SULF1: variants seen among roughly 807,000 people sequenced by gnomAD.
SULF1 encodes sulfatase 1, also known as extracellular sulfatase Sulf-1.
A neutral mutation model predicts 110.5 loss-of-function variants in SULF1; 46 were observed. The ratio of observed to expected loss-of-function variants is 0.42; its 90% CI spans 0.33 to 0.53. SULF1 has a LOEUF of 0.53. Ranked by LOEUF, SULF1 falls within the 20% of genes least tolerant of loss-of-function variation. The pLI, the probability that SULF1 is intolerant of heterozygous loss-of-function variation, is 0.12. For synonymous variants in SULF1, 371 were observed against 387.1 expected (o/e 0.96, Z 0.49); for missense variants, 941 against 1,094.2 (o/e 0.86, Z 1.98).
At chr8:69,504,581 G>A (rs1453237595) in intron 3 of SULF1, among the ~76,000 whole-genome samples, 1 of 152,076 alleles carries the variant, frequency 6.6e-6, no homozygotes, top group African/African-American at 2.4e-5. Flanking sequence ...TAAAATAAGT[G>A]TCTAATGTTG....
intron 22 of SULF1, among the ~76,000 whole-genome samples, chr8:69,656,329 T>C (rs1812728974): frequency 6.6e-6 from 1 of 152,246 alleles, no homozygotes; most frequent in Non-Finnish European, 1.5e-5. Context: ...TTTTATTTTT[T>C]TAAGTTCTGG....
At chr8:69,560,685 T>C (rs998980130) in intron 3 of SULF1, among the ~76,000 whole-genome samples, 1 of 152,272 alleles carries the variant, frequency 6.6e-6, no homozygotes, top group African/African-American at 2.4e-5. Context: ...TCCTTGTCTC[T>C]TCTGTCAAGC....
intron 3 of SULF1, among the ~76,000 whole-genome samples, chr8:69,549,833 C>T (rs980583469): frequency 1.2e-4 from 19 of 152,028 alleles, no homozygotes; most frequent in Non-Finnish European, 2.1e-4. Flanking sequence ...AGAGGAGACC[C>T]TCGAATTCAT....
chr8:69,550,646 C>T lies in SULF1; in HGVS notation c.-133-12893C>T, dbSNP rs375172313. 7.2e-5 allele frequency among the ~76,000 whole-genome samples: 11 copies of T among 152,218 alleles called. No individual in the cohort carries two copies. In the South Asian group the frequency reaches 2.1e-3, roughly 29 times the overall value. ...AACCCTTTCGGTTGTGCCCAGATCC[C>T]GGCACTAGTCCACGTGGTGCTGGAA... On this transcript the variant is annotated intron_variant, in intron 3 of 22. Transcript: ENST00000402687.
chr8:69,589,492 T>C lies in SULF1; in HGVS notation c.734+351T>C, dbSNP rs531263664. On this transcript the variant is annotated intron_variant, in intron 8 of 22. Coordinates refer to ENST00000402687, the MANE Select transcript of SULF1 (RefSeq NM_001128205.2). ...TAATAATGATGATGATCAAATAGTA[T>C]GCTTTTCATAGCTGCACAGTGGGGA... Among the ~76,000 whole-genome samples the C allele has an allele frequency of 2.0e-4, 30 of 152,338 alleles. No homozygotes were observed. The East Asian group carries it at 4.6e-3, about 23-fold the overall frequency.
chr8:69,545,559 G>A (rs973640205), intron 3 of SULF1, among the ~76,000 whole-genome samples: 2 of 152,198 alleles, frequency 1.3e-5, no homozygotes, highest in Non-Finnish European at 2.9e-5. Flanking sequence ...CCATCTGTGA[G>A]AACTTCTCGT....
chr8:69,631,090 A>G (rs778536094), intron 19 of SULF1, among the ~76,000 whole-genome samples: 1 of 151,936 alleles, frequency 6.6e-6, no homozygotes, highest in Non-Finnish European at 1.5e-5. Flanking sequence ...TTAGGCTGAA[A>G]CCTAAAGGAT....
At position 69,515,882 on chromosome 8, in the gene SULF1, G is replaced by A. The variant is rs187234424; in HGVS notation, c.-134+13914G>A. ...CCACCAGTCTCTTTGCTAAAGCATAGCAAGAGTGGCCTTTACTCAAGTTCT... is the reference window on the plus strand; with the variant it reads ...CCACCAGTCTCTTTGCTAAAGCATAACAAGAGTGGCCTTTACTCAAGTTCT... On this transcript the variant is annotated intron_variant, in intron 3 of 22. Coordinates refer to ENST00000402687, the MANE Select transcript of SULF1 (RefSeq NM_001128205.2). Among the ~76,000 whole-genome samples the A allele has an allele frequency of 2.0e-5, 3 of 152,300 alleles. No individual in the cohort carries two copies. The East Asian group carries it at 5.8e-4, about 29-fold the overall frequency.
chr8:69,596,530 T>C (rs1368372137), intron 8 of SULF1, among the ~76,000 whole-genome samples: 1 of 152,148 alleles, frequency 6.6e-6, no homozygotes, highest in Non-Finnish European at 1.5e-5. Flanking sequence ...AAGCAGCTGG[T>C]ATTTTAAATC....
chr8:69,625,074 T>G (rs1361780959), intron 15 of SULF1, among the ~76,000 whole-genome samples: 1 of 152,220 alleles, frequency 6.6e-6, no homozygotes, highest in Non-Finnish European at 1.5e-5. Context: ...TCCCACCTAC[T>G]GTCTATCCCT....
intron 1 of SULF1, among the ~76,000 whole-genome samples, chr8:69,475,595 T>A (rs1809269954): frequency 6.6e-6 from 1 of 152,158 alleles, no homozygotes; most frequent in South Asian, 2.1e-4. Context: ...TGGCTCAATC[T>A]AAAGCTACTG....
In SULF1 at chr8:69,603,176, G is replaced by A. The variant is rs773866287; in HGVS notation, c.1062-16G>A. The A allele has an allele frequency of 1.1e-5, 17 of 1,613,808 alleles. No individual in the cohort carries two copies. The highest frequency in any genetic ancestry group is 1.6e-4 in the Middle Eastern group (1 of 6,084). ...CTGGCATTGGATCTCAGCCATCACC[G>A]TGTGCCCCTTTACAGAGTCCCACAG... On this transcript the variant is annotated splice_polypyrimidine_tract_variant and intron_variant, in intron 10 of 22. Coordinates refer to ENST00000402687, the MANE Select transcript of SULF1 (RefSeq NM_001128205.2).
chr8:69,484,128 C>T (rs1018174846), intron 1 of SULF1, among the ~76,000 whole-genome samples: 53 of 152,174 alleles, frequency 3.5e-4, no homozygotes, highest in African/African-American at 1.2e-3. Context: ...GTCCTTATTC[C>T]ACATTTTCCT....
intron 5 of SULF1, among the ~76,000 whole-genome samples, chr8:69,565,393 C>A (rs893263386): frequency 6.6e-6 from 1 of 152,056 alleles, no homozygotes; most frequent in Non-Finnish European, 1.5e-5. Flanking sequence ...TTTTTTAGAG[C>A]CTTGTGGGTC....
intron 13 of SULF1, among the ~76,000 whole-genome samples, chr8:69,615,827 A>C (rs1479710983): frequency 6.6e-6 from 1 of 152,092 alleles, no homozygotes; most frequent in African/African-American, 2.4e-5. Context: ...TAAGTCACTA[A>C]AACTTCTGCC....
At chr8:69,515,597 T>C (rs913946357) in intron 3 of SULF1, among the ~76,000 whole-genome samples, 1 of 152,218 alleles carries the variant, frequency 6.6e-6, no homozygotes, top group African/African-American at 2.4e-5. Flanking sequence ...CAGCCTTGAA[T>C]TCCTCCCCAG....
chr8:69,546,038 C>T (rs1814240985), intron 3 of SULF1, among the ~76,000 whole-genome samples: 2 of 152,146 alleles, frequency 1.3e-5, no homozygotes, highest in Non-Finnish European at 1.5e-5. Flanking sequence ...CCTTTCATTA[C>T]GTGTCACTGG....
At chr8:69,561,466 A>G (rs1451764847) in intron 3 of SULF1, among the ~76,000 whole-genome samples, 1 of 152,254 alleles carries the variant, frequency 6.6e-6, no homozygotes, top group Non-Finnish European at 1.5e-5. Flanking sequence ...TAAAGGAAGA[A>G]GTAAAGTAAA....
At chr8:69,579,636 G>A (rs1212565332) in intron 6 of SULF1, among the ~76,000 whole-genome samples, 1 of 151,792 alleles carries the variant, frequency 6.6e-6, no homozygotes, top group East Asian at 1.9e-4. Flanking sequence ...ATCCTTGATG[G>A]GAAAACATTA....
Sources: gnomAD v4.1 joint callset for allele counts (sites outside exome capture counted in the v4.1 genomes callset) on GRCh38, gnomAD v4.1.1 for gene constraint, MANE v1.5 for transcripts, NCBI Gene and HGNC (gene_info 2026-07-23, HGNC 2026-07-21) for gene names.